DLG2: variants seen among roughly 807,000 people sequenced by gnomAD.
DLG2 encodes discs large MAGUK scaffold protein 2.
A neutral mutation model predicts 132.5 loss-of-function variants in DLG2; 45 were observed. The ratio of observed to expected loss-of-function variants is 0.34; its 90% CI spans 0.27 to 0.44. The LOEUF (loss-of-function observed/expected upper bound fraction) is 0.44. DLG2 is among the 20% of genes least tolerant of loss of function. The pLI is 1.00. For missense variants in DLG2, 1,045 were observed against 1,196.9 expected, an observed-to-expected ratio of 0.87 and a Z score of 1.87; for synonymous variants, 424 against 419.6, an observed-to-expected ratio of 1.01 and a Z score of -0.13.
intron 7 of DLG2, among the ~76,000 whole-genome samples, chr11:84,330,673 G>A (rs3896313): frequency 0.37 from 56,855 of 151,954 alleles, 11,085 homozygotes; most frequent in African/African-American, 0.5. Context: ...GAGCAGGGGA[G>A]AAAACTAAGG....
At chr11:85,518,514 CAAGAGGTGACTTGGGTG>C (rs2094213784) in intron 3 of DLG2, among the ~76,000 whole-genome samples, 1 of 152,146 alleles carries the variant, frequency 6.6e-6, no homozygotes, top group Non-Finnish European at 1.5e-5. Context: ...GCAAAGCATT[CAAGAGGTGACTTGGGTG>C]CTATTAAAGG....
At chr11:84,428,571 C>G (rs2098974499) in intron 7 of DLG2, among the ~76,000 whole-genome samples, 1 of 152,212 alleles carries the variant, frequency 6.6e-6, no homozygotes, top group Admixed American at 6.5e-5. Context: ...TGTGTCCTCA[C>G]ACAGTGGAGA....
intron 11 of DLG2, among the ~76,000 whole-genome samples, chr11:84,051,880 T>C (rs921541347): frequency 2.0e-4 from 31 of 151,954 alleles, no homozygotes; most frequent in African/African-American, 7.0e-4. Context: ...GGTATATGCC[T>C]GATTTATTAA....
chr11:84,714,597 CTTTCTCTTTCTCTTTCTCTTTCTCTTT>C (rs2060907168), intron 6 of DLG2, among the ~76,000 whole-genome samples: 1 of 109,940 alleles, frequency 9.1e-6, no homozygotes, highest in African/African-American at 4.4e-5. Context: ...CTTTCTCTTT[CTTTCTCTTTCTCTTTCTCTTTCTCTTT>C]CTCTCTCTCT....
chr11:83,840,671 A>G (rs2057338694), intron 16 of DLG2, among the ~76,000 whole-genome samples: 1 of 152,210 alleles, frequency 6.6e-6, no homozygotes. Context: ...AATTTCCCAG[A>G]ATTCAAATAT....
At chr11:83,927,861 A>C (rs951407460) in intron 15 of DLG2, among the ~76,000 whole-genome samples, 7 of 152,162 alleles carry the variant, frequency 4.6e-5, no homozygotes, top group African/African-American at 1.7e-4. Context: ...TTTTGGAGGT[A>C]GAATCAACAG....
At chr11:84,638,085 C>T (rs1481075403) in intron 6 of DLG2, among the ~76,000 whole-genome samples, 1 of 152,222 alleles carries the variant, frequency 6.6e-6, no homozygotes, top group Non-Finnish European at 1.5e-5. Context: ...GCAGTTCCAA[C>T]CTCTACTTTC....
At chr11:85,102,347 A>C (rs2071012262) in intron 6 of DLG2, among the ~76,000 whole-genome samples, 1 of 152,022 alleles carries the variant, frequency 6.6e-6, no homozygotes, top group African/African-American at 2.4e-5. Context: ...GTAAATATAA[A>C]GTCTGTGAAA....
chr11:84,033,854 C>A (rs959858387), intron 11 of DLG2, among the ~76,000 whole-genome samples: 5 of 152,050 alleles, frequency 3.3e-5, no homozygotes, highest in African/African-American at 9.7e-5. Context: ...GCCTGACCAA[C>A]ATGGAGAAAC....
chr11:85,613,457 A>C (rs1177055935), intron 2 of DLG2, among the ~76,000 whole-genome samples: 4 of 152,120 alleles, frequency 2.6e-5, no homozygotes, highest in Non-Finnish European at 5.9e-5. Flanking sequence ...TCCTGTTTAG[A>C]GATGGGATTG....
At chr11:84,178,850 T>C (rs72953537) in intron 8 of DLG2, among the ~76,000 whole-genome samples, 1,583 of 152,088 alleles carry the variant, frequency 0.01, 11 homozygotes, top group Non-Finnish European at 0.016. Flanking sequence ...TAAACCAACA[T>C]TTAAAAACCC....
intron 19 of DLG2, among the ~76,000 whole-genome samples, chr11:83,628,243 C>G (rs1265146072): frequency 6.6e-6 from 1 of 152,158 alleles, no homozygotes; most frequent in Non-Finnish European, 1.5e-5. Flanking sequence ...TCAATTGTGG[C>G]TTTTGTTGCC....
chr11:85,504,884 T>G (rs1472125484), intron 3 of DLG2, among the ~76,000 whole-genome samples: 2 of 152,214 alleles, frequency 1.3e-5, no homozygotes, highest in Non-Finnish European at 2.9e-5. Context: ...CTCTTTTATT[T>G]CATTGAGCAG....
intron 8 of DLG2, among the ~76,000 whole-genome samples, chr11:84,164,389 ACAT>A (rs1311415594): frequency 3.3e-5 from 5 of 152,232 alleles, no homozygotes; most frequent in African/African-American, 1.2e-4. Flanking sequence ...TGTCTTGGCA[ACAT>A]CATTGGAATT....
At chr11:85,410,207 C>G (rs1016409880) in intron 3 of DLG2, among the ~76,000 whole-genome samples, 1 of 151,792 alleles carries the variant, frequency 6.6e-6, no homozygotes, top group Non-Finnish European at 1.5e-5. Context: ...TTTTCTCTCC[C>G]ATTATGAGAA....
intron 7 of DLG2, among the ~76,000 whole-genome samples, chr11:84,273,764 T>A (rs991659645): frequency 2.6e-5 from 4 of 152,148 alleles, no homozygotes; most frequent in Admixed American, 2.0e-4. Flanking sequence ...ACTATATACA[T>A]GCATACTCAC....
At chr11:85,583,061 T>A (rs1057504975) in intron 3 of DLG2, among the ~76,000 whole-genome samples, 2,348 of 96,306 alleles carry the variant, frequency 0.024, 55 homozygotes, top group South Asian at 0.045. Flanking sequence ...AAAAAAAATA[T>A]ATATATATAT....
chr11:84,711,007 T>TAG (rs199760485), intron 6 of DLG2, among the ~76,000 whole-genome samples: 21 of 68,234 alleles, frequency 3.1e-4, no homozygotes, highest in Admixed American at 6.5e-4. Context: ...CATATATATA[T>TAG]AGATATATAT....
intron 4 of DLG2, among the ~76,000 whole-genome samples, chr11:85,163,923 T>C (rs2078231576): frequency 6.6e-6 from 1 of 152,166 alleles, no homozygotes; most frequent in South Asian, 2.1e-4. Context: ...TGTACCCATG[T>C]ATGCATGGGA....
Sources: allele counts gnomAD v4.1 joint callset (sites outside exome capture counted in the v4.1 genomes callset), GRCh38; gene constraint gnomAD v4.1.1; transcripts MANE v1.5; gene names NCBI Gene and HGNC (gene_info 2026-07-23, HGNC 2026-07-21).